Variants in ADAMTSL3 observed in about 807,000 individuals in gnomAD.
The protein encoded by ADAMTSL3 is ADAMTS-like protein 3.
A neutral mutation model predicts 201.7 loss-of-function variants in ADAMTSL3; 128 were observed. The observed-to-expected ratio is 0.63, with a 90% confidence interval of 0.55 to 0.73. The LOEUF (loss-of-function observed/expected upper bound fraction) is 0.73. ADAMTSL3 is among the 30% of genes least tolerant of loss of function. ADAMTSL3 has a pLI of 0.00. For missense variants in ADAMTSL3, 1,990 were observed against 2,119.6 expected, an observed-to-expected ratio of 0.94 and a Z score of 1.20; for synonymous variants, 738 against 748.4, an observed-to-expected ratio of 0.99 and a Z score of 0.23.
At chr15:83,859,737 A>G (rs945921060) in intron 8 of ADAMTSL3, among the ~76,000 whole-genome samples, 4 of 152,212 alleles carry the variant, frequency 2.6e-5, no homozygotes, top group African/African-American at 7.2e-5. Flanking sequence ...AAAATAGTCT[A>G]TATAACCAGG....
intron 9 of ADAMTSL3, among the ~76,000 whole-genome samples, chr15:83,883,266 G>A (rs1434990262): frequency 1.3e-5 from 2 of 151,222 alleles, no homozygotes; most frequent in Non-Finnish European, 2.9e-5. Flanking sequence ...TCTGCCTCCC[G>A]GGTTCAAGCA....
At chr15:84,034,251 A>AG (rs2068460894) in intron 28 of ADAMTSL3, among the ~76,000 whole-genome samples, 1 of 152,154 alleles carries the variant, frequency 6.6e-6, no homozygotes, top group Non-Finnish European at 1.5e-5. Context: ...CTCTGTAGGT[A>AG]GGTGAGGTGT....
chr15:83,659,442 T>A (rs1397130531), intron 2 of ADAMTSL3, among the ~76,000 whole-genome samples: 1 of 152,196 alleles, frequency 6.6e-6, no homozygotes, highest in Non-Finnish European at 1.5e-5. Context: ...ATCCTGAGGC[T>A]GGAGGCTAGT....
At chr15:83,906,842 TC>T in intron 15 of ADAMTSL3, among the ~76,000 whole-genome samples, 1 of 152,178 alleles carries the variant, frequency 6.6e-6, no homozygotes, top group Non-Finnish European at 1.5e-5. Context: ...CACTATATTT[TC>T]ATTTGTATTT....
chr15:83,718,571 G>A (rs1327751198), intron 3 of ADAMTSL3, among the ~76,000 whole-genome samples: 3 of 151,836 alleles, frequency 2.0e-5, no homozygotes, highest in Non-Finnish European at 4.4e-5. Context: ...AGGCGTGGTG[G>A]TGCATGGCTA....
At chr15:83,775,472 G>C (rs760915806) in intron 4 of ADAMTSL3, among the ~76,000 whole-genome samples, 1 of 151,606 alleles carries the variant, frequency 6.6e-6, no homozygotes, top group Admixed American at 6.6e-5. Context: ...TTTATTATTT[G>C]GTTCATTTTT....
At chr15:83,823,972 T>TCTCCTCCTCCTCCTCCTC (rs1186674867) in intron 6 of ADAMTSL3, among the ~76,000 whole-genome samples, 3 of 71,106 alleles carry the variant, frequency 4.2e-5, no homozygotes, top group African/African-American at 1.3e-4. Context: ...TTCTTCTTCT[T>TCTCCTCCTCCTCCTCCTC]CTCCTCCTCC....
chr15:83,803,319 CTCTA>C (rs1039238542), intron 4 of ADAMTSL3, among the ~76,000 whole-genome samples: 8 of 152,114 alleles, frequency 5.3e-5, no homozygotes, highest in Non-Finnish European at 8.8e-5. Context: ...ACATTGCTGA[CTCTA>C]TCAGTCATTT....
intron 4 of ADAMTSL3, 49 bp downstream of exon 4, chr15:83,773,699 C>G (rs1596181666): frequency 1.3e-6 from 2 of 1,580,242 alleles, no homozygotes; most frequent in East Asian, 2.2e-5. Context: ...GCCAGTGCCT[C>G]TGGATGGGTG....
chr15:83,713,406 G>A (rs1393454410), intron 3 of ADAMTSL3, among the ~76,000 whole-genome samples: 2 of 152,212 alleles, frequency 1.3e-5, no homozygotes, highest in Non-Finnish European at 2.9e-5. Flanking sequence ...ATAGTGAAGG[G>A]AGTAGATTTT....
In ADAMTSL3 at chr15:83,819,926, C is replaced by G. The variant is rs777807557; in HGVS notation, c.479C>G (p.Pro160Arg). 2 of 1,614,070 alleles carry G rather than the reference C, an allele frequency of 1.2e-6. No homozygotes were observed. The highest frequency in any genetic ancestry group is 8.5e-7 in the Non-Finnish European group (1 of 1,180,002). ...CCACGATATAATGATCCTGCTGCCC[C>G]GTGTGCACTCAAGTGTCATGCACAA... ...WLPRYNDPAA[P>R]CALKCHAQGQ... Residue 160 changes from proline (P) to arginine (R), a missense_variant, in exon 6 of 30, where the codon CCG becomes CGG. Transcript: ENST00000286744.
intron 10 of ADAMTSL3, among the ~76,000 whole-genome samples, chr15:83,888,602 C>CG (rs2065443620): frequency 6.6e-6 from 1 of 152,058 alleles, no homozygotes; most frequent in Admixed American, 6.6e-5. Flanking sequence ...TCTAAGGTAC[C>CG]GGGGGTACTT....
intron 7 of ADAMTSL3, among the ~76,000 whole-genome samples, chr15:83,848,219 G>A (rs1817929031): frequency 6.6e-6 from 1 of 152,276 alleles, no homozygotes; most frequent in East Asian, 1.9e-4. Flanking sequence ...AAGTGGGGAT[G>A]AGGTTGTCAA....
chr15:83,693,457 G>A (rs2061639855), intron 2 of ADAMTSL3, among the ~76,000 whole-genome samples: 1 of 152,330 alleles, frequency 6.6e-6, no homozygotes, highest in South Asian at 2.1e-4. Flanking sequence ...TCACTCTACT[G>A]CCTTGGGTAG....
intron 2 of ADAMTSL3, among the ~76,000 whole-genome samples, chr15:83,658,527 C>G (rs1007412485): frequency 3.3e-5 from 5 of 152,216 alleles, no homozygotes; most frequent in African/African-American, 1.2e-4. Flanking sequence ...GTTTTTGTAA[C>G]TCGTTCTTGA....
chr15:84,004,355 G>A (rs1056458576), intron 23 of ADAMTSL3, among the ~76,000 whole-genome samples: 2 of 152,166 alleles, frequency 1.3e-5, no homozygotes, highest in African/African-American at 2.4e-5. Context: ...ATTCTAATGT[G>A]CAGCCAAGGT....
intron 23 of ADAMTSL3, among the ~76,000 whole-genome samples, chr15:83,993,567 A>T (rs2067623024): frequency 2.0e-5 from 3 of 152,200 alleles, no homozygotes; most frequent in Admixed American, 2.0e-4. Context: ...AGAGAAGTTC[A>T]TCTTTTTTTA....
At chr15:83,746,496 C>T (rs1369532158) in intron 3 of ADAMTSL3, among the ~76,000 whole-genome samples, 2 of 152,008 alleles carry the variant, frequency 1.3e-5, no homozygotes, top group Non-Finnish European at 2.9e-5. Flanking sequence ...TGAAAATGTT[C>T]GTATTTAAAT....
rs1304731063 is a variant in ADAMTSL3 at position 83,913,289 on chromosome 15, A to T, written c.1898A>T (p.Glu633Val). The T allele has an allele frequency of 6.2e-7, 1 of 1,613,946 alleles. No individual in the cohort carries two copies. The change falls in exon 16 of 30, where the codon GAG (glutamate) becomes GTG (valine). Residue 633 changes from glutamate to valine, a missense_variant. Physicochemically the swap from Glu to Val is moderately radical, Grantham distance 121 (BLOSUM62 -2). Transcript: ENST00000286744. ...TGTGATGAGAGCCCGGCCTCCCGAG[A>T]GCTAGACATCCCTCTCCCTGAGGAC... ...EACDESPASR[E>V]LDIPLPEDSE...
Sources: gnomAD v4.1 joint callset for allele counts (sites outside exome capture counted in the v4.1 genomes callset) on GRCh38, gnomAD v4.1.1 for gene constraint, MANE v1.5 for transcripts, NCBI Gene and HGNC (gene_info 2026-07-23, HGNC 2026-07-21) for gene names.